Variants in VPS54 observed in about 807,000 individuals in gnomAD.
VPS54 encodes the protein vacuolar protein sorting-associated protein 54.
In VPS54, 45 loss-of-function variants were observed where a neutral mutation model predicts 121.5. That is an observed-to-expected ratio of 0.37 (90% CI 0.29 to 0.47). VPS54 has a LOEUF of 0.47. VPS54 is among the 20% of genes least tolerant of loss of function. The probability of loss-of-function intolerance (pLI) is 0.99; values close to 1 mark genes in which losing one functional copy is unlikely to be tolerated. For missense variants in VPS54, 1,090 were observed against 1,131.4 expected, an observed-to-expected ratio of 0.96 and a Z score of 0.52; for synonymous variants, 371 against 385.8, an observed-to-expected ratio of 0.96 and a Z score of 0.45.
chr2:63,971,820 G>A (rs913227779), intron 4 of VPS54, among the ~76,000 whole-genome samples: 3 of 152,064 alleles, frequency 2.0e-5, no homozygotes, highest in African/African-American at 4.8e-5. Flanking sequence ...CTACGTTACT[G>A]TTCTCAAACT....
intron 21 of VPS54, 28 bp downstream of exon 21, chr2:63,899,446 A>C (rs1329360974): frequency 1.9e-6 from 3 of 1,591,216 alleles, no homozygotes; most frequent in Non-Finnish European, 2.6e-6. Context: ...TTATATATAC[A>C]TGAATAGTTT....
At chr2:63,925,930 C>A (rs182638602) in intron 12 of VPS54, among the ~76,000 whole-genome samples, 100 of 152,278 alleles carry the variant, frequency 6.6e-4, no homozygotes, top group Middle Eastern at 6.8e-3. Flanking sequence ...GTTAATTGAG[C>A]TGAGCACTTT....
intron 12 of VPS54, among the ~76,000 whole-genome samples, chr2:63,930,088 G>A (rs1229427035): frequency 6.7e-6 from 1 of 149,848 alleles, no homozygotes; most frequent in Admixed American, 6.6e-5. Context: ...AGAGGTACGA[G>A]GAAGAGCTAG....
At chr2:64,008,827 T>C (rs139488642) in intron 1 of VPS54, among the ~76,000 whole-genome samples, 2 of 152,362 alleles carry the variant, frequency 1.3e-5, no homozygotes, top group East Asian at 3.9e-4. Context: ...TCATCACTAA[T>C]ATCTGACTAT....
intron 7 of VPS54, among the ~76,000 whole-genome samples, chr2:63,950,287 A>G (rs1014915893): frequency 1.3e-5 from 2 of 152,174 alleles, no homozygotes; most frequent in African/African-American, 4.8e-5. Context: ...GTGATGTTCT[A>G]TCGGGGTTCT....
intron 11 of VPS54, among the ~76,000 whole-genome samples, chr2:63,937,008 T>G (rs949195966): frequency 6.6e-6 from 1 of 152,042 alleles, no homozygotes; most frequent in African/African-American, 2.4e-5. Flanking sequence ...TAAAGTCAAT[T>G]AAAGGCCTAA....
intron 6 of VPS54, among the ~76,000 whole-genome samples, chr2:63,963,151 G>C (rs764899134): frequency 1.3e-5 from 2 of 151,870 alleles, no homozygotes; most frequent in Non-Finnish European, 2.9e-5. Flanking sequence ...TTTTCAGGCT[G>C]CTTATTTTAC....
chr2:64,013,305 T>C (rs1198166015), intron 1 of VPS54, among the ~76,000 whole-genome samples: 1 of 152,100 alleles, frequency 6.6e-6, no homozygotes, highest in East Asian at 1.9e-4. Flanking sequence ...CAATTCAGAA[T>C]GTGGAACATG....
intron 7 of VPS54, among the ~76,000 whole-genome samples, chr2:63,950,445 G>C (rs1675186922): frequency 6.6e-6 from 1 of 152,090 alleles, no homozygotes; most frequent in Non-Finnish European, 1.5e-5. Flanking sequence ...TGAATTCATG[G>C]GGTTCTGGGT....
rs988922724 is a variant in VPS54, at chr2:63,899,402, T to G, written c.2733+72A>C. The G allele has an allele frequency of 1.6e-5, 22 of 1,368,498 alleles. No individual in the cohort carries two copies. The Admixed American group carries it at 2.0e-4, about 12-fold the overall frequency. 84.8% of individuals were successfully genotyped at this position (1,368,498 alleles called of 1,614,324 possible). ...GAACAGCTTAACTGCCAAAAGCATG[T>G]AAAAACACCCCAATTCTGTACAGAT... On this transcript the variant is annotated intron_variant, in intron 21 of 22. Coordinates refer to ENST00000272322, the MANE Select transcript of VPS54 (RefSeq NM_016516.3).
chr2:63,969,197 C>A (rs1437312108), intron 4 of VPS54, among the ~76,000 whole-genome samples: 2 of 152,072 alleles, frequency 1.3e-5, no homozygotes, highest in Admixed American at 6.5e-5. Context: ...TAATTGTAAT[C>A]AATTATATAG....
At chr2:63,895,857 G>A (rs1214643956) in intron 22 of VPS54, among the ~76,000 whole-genome samples, 1 of 152,146 alleles carries the variant, frequency 6.6e-6, no homozygotes, top group Non-Finnish European at 1.5e-5. Flanking sequence ...GCTATATTAA[G>A]AAAGAAAAGT....
chr2:63,997,305 A>G (rs1361102601), intron 1 of VPS54, among the ~76,000 whole-genome samples: 1 of 152,174 alleles, frequency 6.6e-6, no homozygotes, highest in Non-Finnish European at 1.5e-5. Context: ...TGTTTGGTAG[A>G]ATTCAGCAGT....
At position 63,900,699 on chromosome 2, in the gene VPS54, T is replaced by C. The variant is rs566247375; in HGVS notation, c.2626-1118A>G. ...AGGTGTTCAGTCTTCAAAGGGAAAA[T>C]AAACAGGTGAAAATATTCCAGGTAG... On this transcript the variant is annotated intron_variant, in intron 20 of 22. Transcript: ENST00000272322. Among the ~76,000 whole-genome samples the C allele has an allele frequency of 2.5e-4, 38 of 152,218 alleles. No individual in the cohort carries two copies. In the South Asian group the frequency reaches 7.7e-3, roughly 31 times the overall value.
In VPS54 at chr2:63,893,269, C is replaced by A; in HGVS notation, c.*161G>T. On this transcript the variant is annotated 3_prime_UTR_variant, in exon 23 of 23. Coordinates refer to ENST00000272322, the MANE Select transcript of VPS54 (RefSeq NM_016516.3). ...AAAATGACATTCCTTGTAGATCCCA[C>A]TGAATCCAGTTTCCCAACACTTGAT... The A allele has an allele frequency of 1.3e-6, 1 of 744,886 alleles. No homozygotes were observed. Among genetic ancestry groups the A allele is most frequent in the Non-Finnish European group, 2.4e-6 (1 of 409,114 alleles). The allele number at this position is 744,886 out of a possible 1,614,324, so 46.1% of individuals were successfully genotyped here.
chr2:63,997,200 G>A (rs777976941), intron 1 of VPS54, among the ~76,000 whole-genome samples: 13 of 152,134 alleles, frequency 8.5e-5, no homozygotes, highest in Non-Finnish European at 1.3e-4. Context: ...TTTGGTATCA[G>A]GGTAATACTG....
At chr2:63,976,367 A>C (rs1399985821) in intron 3 of VPS54, among the ~76,000 whole-genome samples, 13 of 150,870 alleles carry the variant, frequency 8.6e-5, no homozygotes, top group South Asian at 6.3e-4. Context: ...AAAAAAAACA[A>C]AAAACAAAAA....
At position 63,914,254 on chromosome 2, in the gene VPS54, T is replaced by A. The variant is rs1673279847; in HGVS notation, c.2262A>T (p.Glu754Asp). 6.2e-7 allele frequency: 1 copy of A among 1,613,546 alleles called. No individual in the cohort carries two copies. ...TVLLLIRIIL[E>D]YCQCVDNIPS... ...GGATGTTATCCACACACTGGCAATA[T>A]TCAAGGATAATTCTTATTAACAGCA... is the stretch of plus-strand genomic sequence containing the variant. The change falls in exon 17 of 23, where the codon GAA becomes GAT. Residue 754 changes from glutamate (E) to aspartate (D), a missense_variant. Around this residue, in one of 2 missense-constraint regions of VPS54, gnomAD observed 289 missense variants for 374.4 expected, o/e 0.77. Transcript: ENST00000272322.
intron 16 of VPS54, among the ~76,000 whole-genome samples, chr2:63,914,661 A>C (rs554624945): frequency 6.6e-6 from 1 of 152,274 alleles, no homozygotes; most frequent in Admixed American, 6.5e-5. Flanking sequence ...GCCAATTCAG[A>C]AACACTGACA....
Sources: gnomAD v4.1 joint callset for allele counts (sites outside exome capture counted in the v4.1 genomes callset) on GRCh38, gnomAD v4.1.1 for gene constraint, gnomAD v4.1.1 regional missense constraint, MANE v1.5 for transcripts, NCBI Gene and HGNC (gene_info 2026-07-23, HGNC 2026-07-21) for gene names.